PMS1: variants seen among roughly 807,000 people sequenced by gnomAD.
PMS1 encodes the protein PMS1 protein homolog 1.
A neutral mutation model predicts 93.1 loss-of-function variants in PMS1; 79 were observed. The ratio of observed to expected loss-of-function variants is 0.85; its 90% CI spans 0.71 to 1.02. The LOEUF (loss-of-function observed/expected upper bound fraction) is 1.02, where lower values mean the gene tolerates loss of function less well. Ranked by LOEUF, PMS1 falls within the 50% of genes least tolerant of loss-of-function variation. The pLI is 0.00. For missense variants in PMS1, 1,064 were observed against 1,085.3 expected (o/e 0.98, Z 0.28); for synonymous variants, 335 against 363.4 (o/e 0.92, Z 0.89).
intron 5 of PMS1, among the ~76,000 whole-genome samples, chr2:189,835,987 C>T (rs2053353671): frequency 6.7e-6 from 1 of 150,172 alleles, no homozygotes; most frequent in Admixed American, 6.6e-5. Flanking sequence ...GAGCTTAGTA[C>T]ATCTGTGCCT....
At position 189,864,055 on chromosome 2, in the gene PMS1, A is replaced by G. The variant is rs781127435; in HGVS notation, c.2169A>G (p.Glu723=). The change falls in exon 10 of 13, where the codon GAA becomes GAG. Residue 723 remains glutamate (E), a synonymous_variant. Coordinates refer to ENST00000441310, the MANE Select transcript of PMS1 (RefSeq NM_000534.5). ...QNKVDLEEKD[E]PCLIHNLRFP... is the part of the protein sequence containing the mutation. The stretch of plus-strand genomic sequence containing the variant: ...AAGTTGACTTAGAAGAGAAGGATGA[A>G]CCTTGCTTGATCCACAATCTCAGGT... The G allele has an allele frequency of 8.1e-6, 13 of 1,613,210 alleles. No individual in the cohort carries two copies. In the Admixed American group the frequency reaches 8.3e-5, roughly 10 times the overall value.
chr2:189,800,706 A>G (rs1200588874), intron 3 of PMS1, among the ~76,000 whole-genome samples: 2 of 152,230 alleles, frequency 1.3e-5, no homozygotes, highest in Non-Finnish European at 2.9e-5. Flanking sequence ...TAACTGATGC[A>G]TATAATTTTA....
intron 5 of PMS1, among the ~76,000 whole-genome samples, chr2:189,822,479 C>T (rs992510315): frequency 1.3e-5 from 2 of 151,902 alleles, no homozygotes; most frequent in Non-Finnish European, 2.9e-5. Flanking sequence ...GTCAGCTGAT[C>T]GAGACTGGAG....
intron 1 of PMS1, among the ~76,000 whole-genome samples, chr2:189,787,721 A>T (rs1367045477): frequency 6.6e-6 from 1 of 152,144 alleles, no homozygotes; most frequent in African/African-American, 2.4e-5. Flanking sequence ...CTCTGAAATC[A>T]CGCTACTTTG....
At chr2:189,861,075 G>A (rs1290969877) in intron 9 of PMS1, among the ~76,000 whole-genome samples, 18 of 151,554 alleles carry the variant, frequency 1.2e-4, no homozygotes, top group Admixed American at 1.2e-3. Context: ...TGATATGGTT[G>A]GGTTTAGGTC....
intron 4 of PMS1, among the ~76,000 whole-genome samples, chr2:189,816,338 T>C (rs1304412559): frequency 6.6e-6 from 1 of 152,152 alleles, no homozygotes; most frequent in African/African-American, 2.4e-5. Context: ...TAACTGGGTG[T>C]CAATTTCTTA....
At chr2:189,806,253 T>A in intron 4 of PMS1, 1 of 255,424 alleles carries the variant, frequency 3.9e-6, no homozygotes. Context: ...TAAAGTTCTT[T>A]CATGTAATAC....
At position 189,868,014 on chromosome 2, in the gene PMS1, TATG is replaced by T. The variant is rs1231580246; in HGVS notation, c.2473+86_2473+88del. 5 of 1,144,798 alleles carry T rather than the reference TATG, an allele frequency of 4.4e-6. No individual in the cohort carries two copies. The East Asian group carries it at 7.0e-5, about 16-fold the overall frequency. 70.9% of individuals were successfully genotyped at this position (1,144,798 alleles called of 1,614,324 possible). A position where few individuals can be genotyped will look rare whatever the true frequency, so the allele number is the denominator to read the frequency against. On this transcript the variant is annotated intron_variant, in intron 11 of 12. Transcript: ENST00000441310. ...ACATTTGGGTTTCATGATTTACAGA[TATG>T]GTGGTATATTTTTGTCTCACTATAA... is the stretch of plus-strand genomic sequence containing the variant.
At chr2:189,798,757 A>ATTTTTTTT (rs757864750) in intron 3 of PMS1, among the ~76,000 whole-genome samples, 12 of 79,908 alleles carry the variant, frequency 1.5e-4, no homozygotes, top group African/African-American at 2.7e-4. Flanking sequence ...TAAGTATTTG[A>ATTTTTTTT]TTTTTTTTTT....
chr2:189,802,072 T>A (rs1441393105), intron 3 of PMS1, among the ~76,000 whole-genome samples: 4 of 152,222 alleles, frequency 2.6e-5, no homozygotes, highest in African/African-American at 7.2e-5. Flanking sequence ...AGAATAAATG[T>A]CATCCTCTGC....
At chr2:189,833,036 TGTG>T (rs1264883729) in intron 5 of PMS1, among the ~76,000 whole-genome samples, 2 of 152,194 alleles carry the variant, frequency 1.3e-5, no homozygotes, top group Admixed American at 6.5e-5. Flanking sequence ...CACATTTTAA[TGTG>T]GTAAGTGGGC....
chr2:189,839,022 C>T (rs2053609855), intron 5 of PMS1, among the ~76,000 whole-genome samples: 1 of 151,864 alleles, frequency 6.6e-6, no homozygotes, highest in African/African-American at 2.4e-5. Context: ...CAGAGTCTCT[C>T]TCTCTGTTGC....
At chr2:189,858,215 C>G (rs2055555208) in intron 9 of PMS1, among the ~76,000 whole-genome samples, 1 of 151,944 alleles carries the variant, frequency 6.6e-6, no homozygotes, top group Non-Finnish European at 1.5e-5. Context: ...CCTCGCCTTT[C>G]TTCTAGTGGA....
At chr2:189,796,651 T>C (rs1420794676) in intron 3 of PMS1, among the ~76,000 whole-genome samples, 1 of 152,238 alleles carries the variant, frequency 6.6e-6, no homozygotes, top group African/African-American at 2.4e-5. Flanking sequence ...GGCCTATTTC[T>C]CTTATAATGT....
At chr2:189,843,199 G>C (rs1033189969) in intron 5 of PMS1, among the ~76,000 whole-genome samples, 5 of 151,660 alleles carry the variant, frequency 3.3e-5, no homozygotes, top group Non-Finnish European at 5.9e-5. Context: ...TGTATTTTTA[G>C]TAGAGACAGG....
At chr2:189,821,075 G>A (rs934603085) in intron 5 of PMS1, among the ~76,000 whole-genome samples, 1 of 151,972 alleles carries the variant, frequency 6.6e-6, no homozygotes, top group Non-Finnish European at 1.5e-5. Flanking sequence ...ATTAAAAAAA[G>A]ACCAACATCA....
At chr2:189,814,481 T>C (rs1239178049) in intron 4 of PMS1, among the ~76,000 whole-genome samples, 1 of 152,006 alleles carries the variant, frequency 6.6e-6, no homozygotes, top group East Asian at 1.9e-4. Flanking sequence ...TATAGTAAAT[T>C]TCCTTTCAAA....
intron 5 of PMS1, among the ~76,000 whole-genome samples, chr2:189,835,004 C>T (rs1235370149): frequency 6.6e-6 from 1 of 152,166 alleles, no homozygotes; most frequent in Non-Finnish European, 1.5e-5. Flanking sequence ...AACCAACATG[C>T]CCAGCTTATT....
chr2:189,874,983 C>A (rs2057439206), intron 12 of PMS1, among the ~76,000 whole-genome samples: 1 of 150,942 alleles, frequency 6.6e-6, no homozygotes, highest in Non-Finnish European at 1.5e-5. Flanking sequence ...CTTTACCTTT[C>A]AGTATGTTAA....
Sources: gnomAD v4.1 joint callset for allele counts (sites outside exome capture counted in the v4.1 genomes callset) on GRCh38, gnomAD v4.1.1 for gene constraint, MANE v1.5 for transcripts, NCBI Gene and HGNC (gene_info 2026-07-23, HGNC 2026-07-21) for gene names.